PIP5K1C: variants seen among roughly 807,000 people sequenced by gnomAD.
PIP5K1C encodes the protein phosphatidylinositol-4-phosphate 5-kinase type 1 gamma, also known as phosphatidylinositol 4-phosphate 5-kinase type-1 gamma.
In PIP5K1C, 45 loss-of-function variants were observed where a neutral mutation model predicts 80.1. That is an observed-to-expected ratio of 0.56 (90% CI 0.44 to 0.72). PIP5K1C has a LOEUF of 0.72. Ranked by LOEUF, PIP5K1C falls within the 30% of genes least tolerant of loss-of-function variation. The pLI is 0.00. For missense variants in PIP5K1C, 753 were observed against 954.6 expected, an observed-to-expected ratio of 0.79 and a Z score of 2.78; for synonymous variants, 498 against 420.1, an observed-to-expected ratio of 1.19 and a Z score of -2.27.
rs150783050 is a variant in PIP5K1C at position 3,665,812 on chromosome 19, C to T, written c.127-898G>A. ...GGGGCCTTGGGAGCCTGAAGGGACA[C>T]AGAGGCCAACCAAGGAGAACAGCCC... On this transcript the variant is annotated intron_variant, in intron 2 of 17. Coordinates refer to ENST00000335312, the MANE Select transcript of PIP5K1C (RefSeq NM_012398.3). Among the ~76,000 whole-genome samples, 1,343 of 152,182 alleles carry T rather than the reference C, an allele frequency of 8.8e-3. 14 individuals are homozygous for T. The highest frequency in any genetic ancestry group is 0.02 in the Middle Eastern group (6 of 294).
intron 8 of PIP5K1C, 36 bp downstream of exon 8, chr19:3,651,790 A>C: frequency 1.3e-6 from 2 of 1,590,890 alleles, no homozygotes; most frequent in Non-Finnish European, 1.7e-6. Context: ...TGGGGAAGGG[A>C]AGCGGGACGG....
At chr19:3,680,890 C>T (rs1301824323) in intron 1 of PIP5K1C, among the ~76,000 whole-genome samples, 2 of 152,084 alleles carry the variant, frequency 1.3e-5, no homozygotes, top group African/African-American at 4.8e-5. Context: ...ATGTCTGGGG[C>T]CATTTGTGAT....
intron 10 of PIP5K1C, 124 bp from the exon 11 acceptor site, chr19:3,646,182 G>A: frequency 4.4e-6 from 3 of 687,216 alleles, no homozygotes; most frequent in South Asian, 1.6e-5. Flanking sequence ...CTCGAGATGG[G>A]TCCATGGCGC....
At chr19:3,664,786 C>T (rs1474832918) in intron 3 of PIP5K1C, 36 bp downstream of exon 3, 1 of 1,542,156 alleles carries the variant, frequency 6.5e-7, no homozygotes, top group East Asian at 2.2e-5. Flanking sequence ...CTGCTCTGTC[C>T]CGCTCCCTCC....
intron 16 of PIP5K1C, among the ~76,000 whole-genome samples, chr19:3,635,315 G>A (rs1277150744): frequency 6.6e-6 from 1 of 152,238 alleles, no homozygotes; most frequent in East Asian, 1.9e-4. Context: ...GGGAGGCCAA[G>A]GCAGGTGGAT....
At chr19:3,679,601 G>T (rs1383431028) in intron 1 of PIP5K1C, among the ~76,000 whole-genome samples, 1 of 152,204 alleles carries the variant, frequency 6.6e-6, no homozygotes, top group East Asian at 1.9e-4. Flanking sequence ...GAATGGAGCT[G>T]GGGCAGGCGG....
chr19:3,691,273 G>A (rs545632431), intron 1 of PIP5K1C, among the ~76,000 whole-genome samples: 6 of 152,320 alleles, frequency 3.9e-5, no homozygotes, highest in African/African-American at 9.6e-5. Context: ...CGGAGCGCCC[G>A]GTCTGGTACA....
intron 5 of PIP5K1C, 145 bp downstream of exon 5, chr19:3,660,821 C>T: frequency 1.5e-6 from 1 of 679,880 alleles, no homozygotes; most frequent in African/African-American, 1.8e-5. Flanking sequence ...GTGAGTCTCA[C>T]AGGAGACTCC....
Position 3,700,384 on chromosome 19 carries a change from G to C in PIP5K1C, c.7C>G (p.Leu3Val), listed in dbSNP as rs1021381972. The C allele has an allele frequency of 1.2e-5, 14 of 1,172,508 alleles. No homozygotes were observed. The highest frequency in any genetic ancestry group is 3.8e-5 in the Admixed American group (1 of 26,522). The allele number at this position is 1,172,508 out of a possible 1,614,324, so 72.6% of individuals were successfully genotyped here. A position where few individuals can be genotyped will look rare whatever the true frequency, so the allele number is the denominator to read the frequency against. Reference sequence around the variant, plus strand: ...CTCTCCGCCTCGTCCGGTACCTCCAGCTCCATGGCCGCGCGCGGACGGCGG... The same window carrying C: ...CTCTCCGCCTCGTCCGGTACCTCCACCTCCATGGCCGCGCGCGGACGGCGG... ME[L>V]EVPDEAESAE... is the part of the protein sequence containing the mutation. The change falls in exon 1 of 18, where the codon CTG becomes GTG. Residue 3 changes from leucine to valine, a missense_variant. Around this residue, in one of 6 missense-constraint regions of PIP5K1C, gnomAD observed 78 missense variants for 67.1 expected, o/e 1.16. Transcript: ENST00000335312.
intron 1 of PIP5K1C, among the ~76,000 whole-genome samples, chr19:3,684,612 C>CAGCCA (rs1450491189): frequency 6.6e-6 from 1 of 152,256 alleles, no homozygotes; most frequent in Non-Finnish European, 1.5e-5. Context: ...CTGCTGAGCC[C>CAGCCA]AGCCAAGCCC....
Position 3,688,892 on chromosome 19 carries a change from C to T in PIP5K1C, c.94+11405G>A, listed in dbSNP as rs2035857571. Among the ~76,000 whole-genome samples, 1 of 150,302 alleles carries T rather than the reference C, an allele frequency of 6.7e-6. No homozygotes were observed. The highest frequency in any genetic ancestry group is 2.4e-5 in the African/African-American group (1 of 41,078). ...ACATGCCCCCGGTCCCCCTTCCAGCCTTGTCCCCAACACAGCCTGCAAATG... is the reference window on the plus strand; with the variant it reads ...ACATGCCCCCGGTCCCCCTTCCAGCTTTGTCCCCAACACAGCCTGCAAATG... On this transcript the variant is annotated intron_variant, in intron 1 of 17. Coordinates refer to ENST00000335312, the MANE Select transcript of PIP5K1C (RefSeq NM_012398.3). This position sits in a 1 kb window ranked among gnomAD's most constrained non-coding sequence, Gnocchi z 5.3.
intron 14 of PIP5K1C, 88 bp downstream of exon 14, chr19:3,642,819 G>A (rs779334332): frequency 1.9e-6 from 2 of 1,031,204 alleles, no homozygotes; most frequent in Non-Finnish European, 3.1e-6. Flanking sequence ...TGGGCAGAGA[G>A]CAGAGGGGCT....
rs1568365996 is a variant in PIP5K1C, at chr19:3,696,707, C to CAGGGAGGGCAGAGTGCAGAG, written c.94+3589_94+3590insCTCTGCACTCTGCCCTCCCT. ...CCATGGGCCTACAGCAGAGTGCAGA[C>CAGGGAGGGCAGAGTGCAGAG]GGGAGGGCAGGGAGGGCAGAGTGCG... On this transcript the variant is annotated intron_variant, in intron 1 of 17. Transcript: ENST00000335312. This position sits in a 1 kb window ranked among gnomAD's most constrained non-coding sequence, Gnocchi z 4.1. Among the ~76,000 whole-genome samples, 10 of 105,810 alleles carry CAGGGAGGGCAGAGTGCAGAG rather than the reference C, an allele frequency of 9.5e-5. No individual in the cohort carries two copies. Among genetic ancestry groups the CAGGGAGGGCAGAGTGCAGAG allele is most frequent in the African/African-American group, 2.7e-4 (9 of 32,788 alleles). The allele number at this position is 105,810 out of a possible 152,430, so 69.4% of individuals were successfully genotyped here.
At position 3,643,308 on chromosome 19, in the gene PIP5K1C, C is replaced by G. The variant is rs1568315495; in HGVS notation, c.1584G>C (p.Leu528=). The G allele has an allele frequency of 8.7e-6, 14 of 1,614,024 alleles. No homozygotes were observed. Among genetic ancestry groups the G allele is most frequent in the African/African-American group, 1.3e-5 (1 of 75,038 alleles). ...CAGGAATGGAGAGGGATGTGGATGACAGAGTCGTGGCAATGGAGGCTGTAG... is the reference window on the plus strand; with the variant it reads ...CAGGAATGGAGAGGGATGTGGATGAGAGAGTCGTGGCAATGGAGGCTGTAG... ...EATTASIATT[L]SSTSLSIPER... is the part of the protein sequence containing the mutation. The change falls in exon 13 of 18, where the codon CTG becomes CTC. Residue 528 remains leucine, a synonymous_variant. Transcript: ENST00000335312.
At chr19:3,640,158 CAAG>C (rs1383349273) in intron 15 of PIP5K1C, among the ~76,000 whole-genome samples, 1 of 152,148 alleles carries the variant, frequency 6.6e-6, no homozygotes, top group African/African-American at 2.4e-5. Context: ...ATTACAAAGG[CAAG>C]AAGAATTTGG....
chr19:3,648,404 G>A lies in PIP5K1C; in HGVS notation c.1211+221C>T, dbSNP rs888647544. Reference sequence around the variant, plus strand: ...CCAAGCAAGAGCTTTCCAGGTTGAGGAAGCCCCGAGAGCTGCTGGTGCGGC... The same window carrying A: ...CCAAGCAAGAGCTTTCCAGGTTGAGAAAGCCCCGAGAGCTGCTGGTGCGGC... On this transcript the variant is annotated intron_variant, in intron 9 of 17. Transcript: ENST00000335312. This position sits in a 1 kb window ranked among gnomAD's most constrained non-coding sequence, Gnocchi z 4.3. 1.3e-5 allele frequency among the ~76,000 whole-genome samples: 2 copies of A among 152,220 alleles called. No homozygotes were observed. The highest frequency in any genetic ancestry group is 1.3e-4 in the Admixed American group (2 of 15,282).
At chr19:3,660,658 T>C (rs962262045) in intron 5 of PIP5K1C, among the ~76,000 whole-genome samples, 1 of 152,166 alleles carries the variant, frequency 6.6e-6, no homozygotes, top group Non-Finnish European at 1.5e-5. Flanking sequence ...TGCAGAAGAC[T>C]ATACCAACTG....
At chr19:3,670,703 A>G (rs1443374969) in intron 1 of PIP5K1C, among the ~76,000 whole-genome samples, 1 of 152,238 alleles carries the variant, frequency 6.6e-6, no homozygotes, top group African/African-American at 2.4e-5. Context: ...TCAAGGCAGC[A>G]AGAACAGCTG....
At chr19:3,694,621 C>T (rs1389646237) in intron 1 of PIP5K1C, among the ~76,000 whole-genome samples, 6 of 152,264 alleles carry the variant, frequency 3.9e-5, no homozygotes, top group East Asian at 3.8e-4. Flanking sequence ...CCGTGCCACC[C>T]GCTGTCCTCA....
Sources: gnomAD v4.1 joint callset for allele counts (sites outside exome capture counted in the v4.1 genomes callset) on GRCh38, gnomAD v4.1.1 for gene constraint, gnomAD v4.1.1 regional missense constraint, Gnocchi (gnomAD v3.1) non-coding constraint, MANE v1.5 for transcripts, NCBI Gene and HGNC (gene_info 2026-07-23, HGNC 2026-07-21) for gene names.